MICAL2: variants seen among roughly 807,000 people sequenced by gnomAD.
MICAL2 encodes microtubule associated monooxygenase, calponin and LIM domain containing 2.
In MICAL2, 77 loss-of-function variants were observed where a neutral mutation model predicts 127.3. The ratio of observed to expected loss-of-function variants is 0.60; its 90% CI spans 0.50 to 0.73. The LOEUF (loss-of-function observed/expected upper bound fraction) is 0.73. Ranked by LOEUF, MICAL2 falls within the 30% of genes least tolerant of loss-of-function variation. MICAL2 has a pLI of 0.00. For missense variants in MICAL2, 1,351 were observed against 1,434.4 expected, an observed-to-expected ratio of 0.94 and a Z score of 0.94; for synonymous variants, 570 against 551.1, an observed-to-expected ratio of 1.03 and a Z score of -0.48.
intron 1 of MICAL2, among the ~76,000 whole-genome samples, chr11:12,113,706 T>C (rs201325411): frequency 1.3e-5 from 2 of 152,328 alleles, no homozygotes; most frequent in East Asian, 3.9e-4. Context: ...TGTAATCTCT[T>C]AAGGTACCTC....
chr11:12,330,927 G>A (rs1864419592), intron 32 of MICAL2, among the ~76,000 whole-genome samples: 1 of 149,446 alleles, frequency 6.7e-6, no homozygotes, highest in South Asian at 2.1e-4. Context: ...GTGTGTGTGT[G>A]TGTGTCTGTA....
intron 3 of MICAL2, among the ~76,000 whole-genome samples, chr11:12,173,948 T>G (rs1200030730): frequency 6.6e-6 from 1 of 152,236 alleles, no homozygotes; most frequent in Non-Finnish European, 1.5e-5. Context: ...ATGTAATCAC[T>G]GTGAAATTAT....
intron 29 of MICAL2, among the ~76,000 whole-genome samples, chr11:12,302,713 A>G (rs1864060934): frequency 6.6e-6 from 1 of 152,044 alleles, no homozygotes; most frequent in African/African-American, 2.4e-5. Context: ...AAAGCCTGGG[A>G]ATGCAGTGGC....
At chr11:12,111,894 A>G (rs1849638623) in intron 1 of MICAL2, among the ~76,000 whole-genome samples, 1 of 152,192 alleles carries the variant, frequency 6.6e-6, no homozygotes, top group Non-Finnish European at 1.5e-5. Flanking sequence ...TCCGGTCTCC[A>G]GGGTAGTCCT....
chr11:12,243,992 A>G lies in MICAL2; in HGVS notation c.2664A>G (p.Lys888=), dbSNP rs780562482. Residue 888 remains lysine, a synonymous_variant, in exon 21 of 28, where the codon AAA becomes AAG. Coordinates refer to ENST00000683283, the MANE Select transcript of MICAL2 (RefSeq NM_001282663.2). ...TCTATTTCTGTTCTGTGCAGAATAA[A>G]CTACTCTCTAAAGGCCTGTCTCATA... The part of the protein sequence containing the change: ...MFGHGDFPQN[K]LLSKGLSHTH... The G allele has an allele frequency of 1.2e-6, 2 of 1,613,766 alleles. No homozygotes were observed. The highest frequency in any genetic ancestry group is 1.1e-5 in the South Asian group (1 of 91,044).
intron 1 of MICAL2, among the ~76,000 whole-genome samples, chr11:12,126,830 G>A (rs1293120823): frequency 6.6e-6 from 1 of 152,176 alleles, no homozygotes; most frequent in Non-Finnish European, 1.5e-5. Flanking sequence ...GGTGGGTGTG[G>A]GGAGTGTTTT....
chr11:12,269,921 G>C lies in MICAL2; in HGVS notation c.3335-6065G>C, dbSNP rs7946731. Among the ~76,000 whole-genome samples, 1,469 of 152,310 alleles carry C rather than the reference G, an allele frequency of 9.6e-3. 29 individuals are homozygous for C. Among genetic ancestry groups the C allele is most frequent in the African/African-American group, 0.034 (1,412 of 41,564 alleles). On this transcript the variant is annotated intron_variant, in intron 24 of 34. Coordinates refer to the MICAL2 transcript ENST00000646065. Reference sequence around the variant, plus strand: ...CCCCAGGGCAGAGGAGCCAGAGGCCGAAGATTGCCCATCAATTGGTTCACC... The same window carrying C: ...CCCCAGGGCAGAGGAGCCAGAGGCCCAAGATTGCCCATCAATTGGTTCACC...
chr11:12,251,025 C>A (rs557632800), intron 22 of MICAL2, among the ~76,000 whole-genome samples: 1 of 152,152 alleles, frequency 6.6e-6, no homozygotes, highest in African/African-American at 2.4e-5. Context: ...GTGTGGGCCA[C>A]AGGCAGGGAC....
chr11:12,289,484 G>A (rs1420976811), downstream of MICAL2, among the ~76,000 whole-genome samples: 4 of 152,110 alleles, frequency 2.6e-5, no homozygotes, highest in African/African-American at 9.7e-5. Flanking sequence ...TGAGAGGGTG[G>A]GAAACTAATG....
downstream of MICAL2, chr11:12,294,939 T>C: frequency 1.5e-6 from 2 of 1,371,772 alleles, no homozygotes; most frequent in Non-Finnish European, 1.9e-6. Context: ...GCAGGCATCT[T>C]TCACTTCGTT....
At chr11:12,282,160 A>G (rs2134767060) in intron 2 of MICAL2, among the ~76,000 whole-genome samples, 1 of 152,298 alleles carries the variant, frequency 6.6e-6, no homozygotes, top group South Asian at 2.1e-4. Context: ...TGTTGAATTT[A>G]CTCTAGAAAT....
At chr11:12,151,936 G>T (rs1853619909) in intron 2 of MICAL2, among the ~76,000 whole-genome samples, 2 of 152,098 alleles carry the variant, frequency 1.3e-5, no homozygotes, top group Non-Finnish European at 2.9e-5. Context: ...GTTCTCATTT[G>T]ATCTATAGAT....
chr11:12,346,560 C>T (rs1357150777), intron 32 of MICAL2, among the ~76,000 whole-genome samples: 1 of 152,190 alleles, frequency 6.6e-6, no homozygotes, highest in Non-Finnish European at 1.5e-5. Flanking sequence ...TGTTCTTCCC[C>T]TCCTCTCCCT....
intron 3 of MICAL2, among the ~76,000 whole-genome samples, chr11:12,188,090 G>T (rs1192468877): frequency 6.6e-6 from 1 of 152,158 alleles, no homozygotes; most frequent in Non-Finnish European, 1.5e-5. Flanking sequence ...CAAGCCACGT[G>T]GCTAGGGCAC....
chr11:12,289,578 T>TC (rs201957580), downstream of MICAL2, among the ~76,000 whole-genome samples: 2,730 of 147,910 alleles, frequency 0.018, 78 homozygotes, highest in East Asian at 0.13. Context: ...TTTTTTTTTT[T>TC]TTCTTCTTGA....
chr11:12,168,689 A>G (rs898362463), intron 3 of MICAL2, among the ~76,000 whole-genome samples: 1 of 151,788 alleles, frequency 6.6e-6, no homozygotes, highest in African/African-American at 2.4e-5. Flanking sequence ...GTTTCTTTGA[A>G]AAAAATGCCT....
intron 3 of MICAL2, among the ~76,000 whole-genome samples, chr11:12,168,996 A>G (rs1251310840): frequency 6.6e-6 from 1 of 151,732 alleles, no homozygotes; most frequent in Non-Finnish European, 1.5e-5. Flanking sequence ...AAAAAAAAAG[A>G]CAAGACAAGA....
At chr11:12,321,376 A>G (rs10831787) in intron 30 of MICAL2, among the ~76,000 whole-genome samples, 18,286 of 152,180 alleles carry the variant, frequency 0.12, 1,282 homozygotes, top group South Asian at 0.23. Flanking sequence ...GCCAGGTGGC[A>G]CGGAGACCAT....
At position 12,209,559 on chromosome 11, in the gene MICAL2, G is replaced by A. The variant is rs746333925; in HGVS notation, c.652G>A (p.Val218Ile). The A allele has an allele frequency of 2.1e-5, 34 of 1,614,042 alleles. No individual in the cohort carries two copies. Among genetic ancestry groups the A allele is most frequent in the East Asian group, 6.7e-5 (3 of 44,898 alleles). ...TTCTCTGTCGGAGTTTGAGTTTGAC[G>A]TCATCATTGGTGCCGATGGCCGCAG... is the stretch of plus-strand genomic sequence containing the variant. ...DHSLSEFEFDVIIGADGRRNT... is the reference protein window; with the variant it reads ...DHSLSEFEFDIIIGADGRRNT... Residue 218 changes from valine (V) to isoleucine (I), a missense_variant, in exon 6 of 28, where the codon GTC becomes ATC. Physicochemically the swap from Val to Ile is conservative, Grantham distance 29. Coordinates refer to ENST00000683283, the MANE Select transcript of MICAL2 (RefSeq NM_001282663.2).
Sources: gnomAD v4.1 joint callset for allele counts (sites outside exome capture counted in the v4.1 genomes callset) on GRCh38, gnomAD v4.1.1 for gene constraint, MANE v1.5 for transcripts, NCBI Gene and HGNC (gene_info 2026-07-23, HGNC 2026-07-21) for gene names.